The following NF2 variants were observed in gnomAD, a reference collection of about 807,000 sequenced individuals.
The protein encoded by NF2 is merlin.
Under a neutral mutation model 83.7 loss-of-function variants are expected in NF2, and 8 were observed. That is an observed-to-expected ratio of 0.10 (90% CI 0.06 to 0.17). The LOEUF (loss-of-function observed/expected upper bound fraction) is 0.17, where lower values mean the gene tolerates loss of function less well. Among genes scored for constraint, NF2 ranks in the 10% least tolerant of loss-of-function variants. The pLI is 1.00. For missense variants in NF2, 533 were observed against 744.4 expected (o/e 0.72, Z 3.31); for synonymous variants, 266 against 269.6 (o/e 0.99, Z 0.13).
intron 1 of NF2, among the ~76,000 whole-genome samples, chr22:29,630,400 T>C (rs2065476260): frequency 6.6e-6 from 1 of 152,240 alleles, no homozygotes; most frequent in African/African-American, 2.4e-5. Flanking sequence ...AGCAAGCTGA[T>C]AGCACTTAGT....
rs2064716954 is a variant in NF2, at chr22:29,604,076, C to T, written c.78C>T (p.Ile26=). 6 of 1,607,814 alleles carry T rather than the reference C, an allele frequency of 3.7e-6. No individual in the cohort carries two copies. Among genetic ancestry groups the T allele is most frequent in the Non-Finnish European group, 5.1e-6 (6 of 1,177,298 alleles). The change falls in exon 1 of 16, where the codon ATC becomes ATT. Residue 26 remains isoleucine, a synonymous_variant. Coordinates refer to ENST00000338641, the MANE Select transcript of NF2 (RefSeq NM_000268.4). ...AACCCAAGACGTTCACCGTGAGGAT[C>T]GTCACCATGGACGCCGAGATGGAGT... ...RKQPKTFTVR[I]VTMDAEMEFN...
intron 9 of NF2, among the ~76,000 whole-genome samples, chr22:29,666,449 T>A (rs949112443): frequency 1.6e-4 from 25 of 151,636 alleles, no homozygotes; most frequent in African/African-American, 5.1e-4. Context: ...ACTTCTATAC[T>A]GTTTTAACAG....
rs563394762 is a variant in NF2, at chr22:29,667,446, G to A, written c.886-887G>A. 2.5e-4 allele frequency among the ~76,000 whole-genome samples: 38 copies of A among 152,154 alleles called. No homozygotes were observed. In the South Asian group the frequency reaches 4.8e-3, roughly 19 times the overall value. On this transcript the variant is annotated intron_variant, in intron 9 of 15. Coordinates refer to ENST00000338641, the MANE Select transcript of NF2 (RefSeq NM_000268.4). Reference sequence around the variant, plus strand: ...TATAGAGACAAAGTTTTGCCATGTTGTCCAGGCTTGTCTTAAACTCCTGGG... The same window carrying A: ...TATAGAGACAAAGTTTTGCCATGTTATCCAGGCTTGTCTTAAACTCCTGGG...
At chr22:29,680,786 T>C (rs932803844) in intron 14 of NF2, among the ~76,000 whole-genome samples, 2 of 152,052 alleles carry the variant, frequency 1.3e-5, no homozygotes, top group Admixed American at 1.3e-4. Flanking sequence ...CTGTGGCTTA[T>C]GCCTATAATC....
chr22:29,623,407 T>C (rs1055734166), intron 1 of NF2, among the ~76,000 whole-genome samples: 1 of 151,924 alleles, frequency 6.6e-6, no homozygotes, highest in African/African-American at 2.4e-5. Context: ...ACGTTTGGGG[T>C]TTGGGGTAGG....
intron 4 of NF2, among the ~76,000 whole-genome samples, chr22:29,648,933 G>C (rs2066062118): frequency 6.6e-6 from 1 of 152,174 alleles, no homozygotes; most frequent in Non-Finnish European, 1.5e-5. Context: ...TTCATAGAAA[G>C]GAGGGACTGG....
At chr22:29,641,868 C>T (rs1233633026) in intron 3 of NF2, among the ~76,000 whole-genome samples, 1 of 152,202 alleles carries the variant, frequency 6.6e-6, no homozygotes, top group African/African-American at 2.4e-5. Flanking sequence ...AGGCTGTAGT[C>T]ATCCCCAGAG....
intron 1 of NF2, among the ~76,000 whole-genome samples, chr22:29,634,858 C>G (rs1601575554): frequency 6.6e-6 from 1 of 152,142 alleles, no homozygotes; most frequent in Non-Finnish European, 1.5e-5. Context: ...AATGGATGTG[C>G]CCATTACTCA....
At chr22:29,625,233 T>C (rs2065337088) in intron 1 of NF2, among the ~76,000 whole-genome samples, 1 of 152,164 alleles carries the variant, frequency 6.6e-6, no homozygotes, top group Admixed American at 6.6e-5. Context: ...GGCCAGATCT[T>C]CTTTTTTGTA....
chr22:29,624,800 T>C (rs1275424563), intron 1 of NF2, among the ~76,000 whole-genome samples: 1 of 6,088 alleles, frequency 1.6e-4, no homozygotes, highest in African/African-American at 7.0e-4. Context: ...TGAAGGGTCC[T>C]CTTTCTTTCT....
chr22:29,625,804 C>G (rs2065351864), intron 1 of NF2, among the ~76,000 whole-genome samples: 2 of 152,222 alleles, frequency 1.3e-5, no homozygotes, highest in African/African-American at 2.4e-5. Flanking sequence ...ACAGCCTTTT[C>G]TCTTCCAACT....
At chr22:29,632,659 G>A (rs904618069) in intron 1 of NF2, among the ~76,000 whole-genome samples, 5 of 152,186 alleles carry the variant, frequency 3.3e-5, no homozygotes, top group African/African-American at 7.2e-5. Context: ...GTGGGTGAGC[G>A]GGAGTTAACT....
rs1060503673 is a variant in NF2, at chr22:29,681,439, A to G, written c.1575A>G (p.Lys525=). The G allele has an allele frequency of 6.2e-7, 1 of 1,614,008 alleles. No homozygotes were observed. ...ATGCATGATACCCTCTTGCCGGCAG[A>G]GTGGAATACATGGAAAAGAGCAAGC... ...KRLSMEIEKE[K]VEYMEKSKHL... Residue 525 remains lysine, a splice_region_variant and synonymous_variant, in exon 15 of 16, where the codon AAA becomes AAG. Coordinates refer to ENST00000338641, the MANE Select transcript of NF2 (RefSeq NM_000268.4).
At chr22:29,619,390 G>T (rs559006307) in intron 1 of NF2, among the ~76,000 whole-genome samples, 210 of 148,762 alleles carry the variant, frequency 1.4e-3, no homozygotes, top group Middle Eastern at 3.6e-3. Flanking sequence ...GGTTTTTTTT[G>T]TTTGTTTGTT....
intron 1 of NF2, among the ~76,000 whole-genome samples, chr22:29,625,375 T>A (rs1175249601): frequency 6.6e-6 from 1 of 152,240 alleles, no homozygotes; most frequent in Non-Finnish European, 1.5e-5. Flanking sequence ...TTTTTCTTTT[T>A]TCTTTGTTTT....
intron 6 of NF2, among the ~76,000 whole-genome samples, chr22:29,656,318 A>G (rs893573984): frequency 1.3e-5 from 2 of 150,818 alleles, no homozygotes; most frequent in Non-Finnish European, 2.9e-5. Context: ...GCATTTGAGT[A>G]TCTGTAGGTT....
intron 2 of NF2, 138 bp from the exon 3 acceptor site, chr22:29,638,952 T>TA: frequency 7.8e-7 from 1 of 1,287,846 alleles, no homozygotes; most frequent in East Asian, 2.4e-5. Flanking sequence ...CTTCAAACTG[T>TA]AAAATCACAA....
At chr22:29,668,169 C>T (rs575404227) in intron 9 of NF2, among the ~76,000 whole-genome samples, 164 bp from the exon 10 acceptor site, 10 of 152,324 alleles carry the variant, frequency 6.6e-5, no homozygotes, top group African/African-American at 9.6e-5. Context: ...CCAGAGCTGA[C>T]GGCACTAGAG....
chr22:29,669,025 T>C lies in NF2; in HGVS notation c.999+579T>C, dbSNP rs569036764. Reference sequence around the variant, plus strand: ...GCTCATGGAAATCCACACAACTAATTTGGGCCTTACTGCTGAGAATATCAA... The same window carrying C: ...GCTCATGGAAATCCACACAACTAATCTGGGCCTTACTGCTGAGAATATCAA... On this transcript the variant is annotated intron_variant, in intron 10 of 15. Coordinates refer to ENST00000338641, the MANE Select transcript of NF2 (RefSeq NM_000268.4). Among the ~76,000 whole-genome samples, 14 of 152,338 alleles carry C rather than the reference T, an allele frequency of 9.2e-5. No individual in the cohort carries two copies. The East Asian group carries it at 2.7e-3, about 29-fold the overall frequency.
Sources: allele counts gnomAD v4.1 joint callset (sites outside exome capture counted in the v4.1 genomes callset), GRCh38; gene constraint gnomAD v4.1.1; transcripts MANE v1.5; gene names NCBI Gene and HGNC (gene_info 2026-07-23, HGNC 2026-07-21).